The following INPP4B variants were observed in gnomAD, a reference collection of about 807,000 sequenced individuals.
The protein encoded by INPP4B is inositol polyphosphate 4-phosphatase type II.
INPP4B carries 55 observed loss-of-function variants against 122.5 expected under a neutral mutation model. That is an observed-to-expected ratio of 0.45 (90% CI 0.36 to 0.56). INPP4B has a LOEUF of 0.56. Ranked by LOEUF, INPP4B falls within the 20% of genes least tolerant of loss-of-function variation. INPP4B has a pLI of 0.00. For synonymous variants in INPP4B, 403 were observed against 388.7 expected (o/e 1.04, Z -0.43); for missense variants, 1,000 against 1,097.7 (o/e 0.91, Z 1.26).
intron 7 of INPP4B, among the ~76,000 whole-genome samples, chr4:142,360,074 T>G (rs984954790): frequency 6.6e-6 from 1 of 151,984 alleles, no homozygotes; most frequent in African/African-American, 2.4e-5. Context: ...AAAGAAATAT[T>G]AAAAGAAATA....
intron 25 of INPP4B, among the ~76,000 whole-genome samples, chr4:142,041,056 A>G (rs776192294): frequency 1.5e-4 from 23 of 152,152 alleles, no homozygotes; most frequent in Non-Finnish European, 1.6e-4. Context: ...TTAGCTCCCA[A>G]ATAAAAATAA....
chr4:142,465,585 T>A (rs955070873), intron 2 of INPP4B, among the ~76,000 whole-genome samples: 12 of 152,196 alleles, frequency 7.9e-5, no homozygotes, highest in Non-Finnish European at 1.8e-4. Flanking sequence ...TTCCACTTTA[T>A]TCTATATAGG....
chr4:142,136,079 G>C (rs901389113), intron 18 of INPP4B, among the ~76,000 whole-genome samples: 1 of 152,204 alleles, frequency 6.6e-6, no homozygotes, highest in African/African-American at 2.4e-5. Flanking sequence ...TTACAGGTGT[G>C]AGCCACCGTG....
intron 2 of INPP4B, among the ~76,000 whole-genome samples, chr4:142,578,854 C>T (rs1011282813): frequency 1.3e-5 from 2 of 152,002 alleles, no homozygotes; most frequent in Admixed American, 6.6e-5. Flanking sequence ...ATTTAACCAT[C>T]TTGACTGTGA....
chr4:142,364,475 G>T (rs975324739), intron 7 of INPP4B, among the ~76,000 whole-genome samples: 3 of 151,940 alleles, frequency 2.0e-5, no homozygotes, highest in Admixed American at 2.0e-4. Flanking sequence ...AGATATTGGG[G>T]TTCTAGCATT....
At chr4:142,464,736 T>G (rs1353096643) in intron 2 of INPP4B, among the ~76,000 whole-genome samples, 6 of 152,118 alleles carry the variant, frequency 3.9e-5, no homozygotes, top group Non-Finnish European at 7.4e-5. Context: ...AGAAAAGTCA[T>G]ATGTGTGCTA....
chr4:142,261,224 A>C (rs937325786), intron 10 of INPP4B, among the ~76,000 whole-genome samples: 2 of 152,216 alleles, frequency 1.3e-5, no homozygotes, highest in Non-Finnish European at 2.9e-5. Flanking sequence ...AGAATGTCCA[A>C]AACAATTCCT....
intron 2 of INPP4B, among the ~76,000 whole-genome samples, chr4:142,588,788 C>T (rs748560219): frequency 2.0e-5 from 3 of 151,782 alleles, no homozygotes; most frequent in Non-Finnish European, 3.0e-5. Flanking sequence ...ATAGATTAAA[C>T]AAAACCCCAA....
At chr4:142,369,521 G>A (rs541090275) in intron 7 of INPP4B, among the ~76,000 whole-genome samples, 1 of 151,054 alleles carries the variant, frequency 6.6e-6, no homozygotes, top group Non-Finnish European at 1.5e-5. Flanking sequence ...AGGTCACAGT[G>A]AGCTGTAATC....
chr4:142,728,029 T>C (rs1264809042), intron 1 of INPP4B, among the ~76,000 whole-genome samples: 3 of 152,006 alleles, frequency 2.0e-5, no homozygotes, highest in Admixed American at 1.3e-4. Flanking sequence ...GAAGATGGGG[T>C]AATGCATACA....
chr4:142,324,052 T>C (rs566067525), intron 7 of INPP4B, among the ~76,000 whole-genome samples: 1 of 152,212 alleles, frequency 6.6e-6, no homozygotes, highest in South Asian at 2.1e-4. Context: ...ATGAGACCCA[T>C]GGGTTAGGGT....
chr4:142,635,323 A>T (rs1748891056), intron 2 of INPP4B, among the ~76,000 whole-genome samples: 1 of 152,238 alleles, frequency 6.6e-6, no homozygotes, highest in African/African-American at 2.4e-5. Context: ...AGCTAAAAAT[A>T]GAACTACCAT....
chr4:142,602,063 A>C (rs1740126113), intron 2 of INPP4B, among the ~76,000 whole-genome samples: 1 of 151,894 alleles, frequency 6.6e-6, no homozygotes, highest in Non-Finnish European at 1.5e-5. Context: ...AATACTAAGG[A>C]TCTACATCTA....
Position 142,675,291 on chromosome 4 carries a change from T to C in INPP4B, c.-191+50548A>G, listed in dbSNP as rs116175105. Among the ~76,000 whole-genome samples, 1,379 of 152,194 alleles carry C rather than the reference T, an allele frequency of 9.1e-3. 9 individuals carry two copies. The highest frequency in any genetic ancestry group is 0.014 in the Non-Finnish European group (934 of 68,004). ...CTGGACACAGACACCTTCCCAAGTATAAACTAGGAAGAAGGCGATTCCCTG... is the reference window on the plus strand; with the variant it reads ...CTGGACACAGACACCTTCCCAAGTACAAACTAGGAAGAAGGCGATTCCCTG... On this transcript the variant is annotated intron_variant, in intron 2 of 25. Transcript: ENST00000262992.
chr4:142,617,155 T>A (rs769233630), intron 2 of INPP4B, among the ~76,000 whole-genome samples: 1 of 152,078 alleles, frequency 6.6e-6, no homozygotes, highest in South Asian at 2.1e-4. Context: ...CTGAGAACCC[T>A]CACACTCCTA....
intron 7 of INPP4B, among the ~76,000 whole-genome samples, chr4:142,362,274 C>A (rs28435783): frequency 0.4 from 60,980 of 151,854 alleles, 12,601 homozygotes; most frequent in East Asian, 0.64. Flanking sequence ...TATATCATGT[C>A]TTTTGTTCAC....
At chr4:142,490,551 T>C (rs1560716776) in intron 2 of INPP4B, among the ~76,000 whole-genome samples, 1 of 150,076 alleles carries the variant, frequency 6.7e-6, no homozygotes, top group Admixed American at 6.6e-5. Context: ...ATAATTATCA[T>C]TTTTTGTGGT....
At chr4:142,815,404 A>T (rs910001105) in intron 1 of INPP4B, among the ~76,000 whole-genome samples, 1 of 152,200 alleles carries the variant, frequency 6.6e-6, no homozygotes, top group Non-Finnish European at 1.5e-5. Context: ...AGGAGAAATC[A>T]GATGTGCAAT....
At chr4:142,582,979 T>C (rs1735413651) in intron 2 of INPP4B, among the ~76,000 whole-genome samples, 1 of 152,138 alleles carries the variant, frequency 6.6e-6, no homozygotes, top group African/African-American at 2.4e-5. Context: ...TATATTGAGT[T>C]TTATATATGA....
Sources: gnomAD v4.1 joint callset for allele counts (sites outside exome capture counted in the v4.1 genomes callset) on GRCh38, gnomAD v4.1.1 for gene constraint, MANE v1.5 for transcripts, NCBI Gene and HGNC (gene_info 2026-07-23, HGNC 2026-07-21) for gene names.